Variants in TPRG1 observed in about 807,000 individuals in gnomAD.
The protein encoded by TPRG1 is tumor protein p63 regulated 1.
TPRG1 carries 29 observed loss-of-function variants against 29.3 expected under a neutral mutation model. The ratio of observed to expected loss-of-function variants is 0.99; its 90% CI spans 0.74 to 1.35. TPRG1 has a LOEUF of 1.35. Ranked by LOEUF, TPRG1 falls within the 40% of genes most tolerant of loss-of-function variation. TPRG1 has a pLI of 0.00. For missense variants in TPRG1, 327 were observed against 335.0 expected (o/e 0.98, Z 0.19); for synonymous variants, 130 against 116.8 (o/e 1.11, Z -0.73).
intron 4 of TPRG1, among the ~76,000 whole-genome samples, chr3:189,308,809 A>G (rs2109305186): frequency 6.6e-6 from 1 of 152,264 alleles, no homozygotes; most frequent in Non-Finnish European, 1.5e-5. Context: ...AAATAATTCC[A>G]TTGTGCAAGT....
chr3:189,191,477 A>G (rs1415702955), intron 1 of TPRG1, among the ~76,000 whole-genome samples: 1 of 152,042 alleles, frequency 6.6e-6, no homozygotes, highest in Non-Finnish European at 1.5e-5. Flanking sequence ...CTCTGGATCT[A>G]TTTAAATCTT....
At chr3:189,230,065 G>A (rs1400210119) in intron 3 of TPRG1, among the ~76,000 whole-genome samples, 1 of 152,208 alleles carries the variant, frequency 6.6e-6, no homozygotes, top group Admixed American at 6.5e-5. Context: ...ATTCAGAGGA[G>A]GAGAAAGTCG....
At chr3:189,046,060 G>A (rs1393051850) in intron 4 of TPRG1, among the ~76,000 whole-genome samples, 3 of 152,170 alleles carry the variant, frequency 2.0e-5, no homozygotes, top group Non-Finnish European at 2.9e-5. Flanking sequence ...TGTTGCTCCT[G>A]GAAATGAGTC....
intron 1 of TPRG1, chr3:189,121,813 A>C (rs1036916225): frequency 2.6e-5 from 4 of 152,100 alleles, no homozygotes; most frequent in Non-Finnish European, 5.9e-5. Flanking sequence ...ATTGAGATAA[A>C]ATTTTTCAAA....
At chr3:189,253,649 A>T (rs1742624032) in intron 4 of TPRG1, among the ~76,000 whole-genome samples, 1 of 152,120 alleles carries the variant, frequency 6.6e-6, no homozygotes, top group Non-Finnish European at 1.5e-5. Context: ...TGCTATTTCT[A>T]GTTCTAGATC....
At chr3:189,095,475 C>A (rs971436266), upstream of TPRG1, among the ~76,000 whole-genome samples, 1 of 152,142 alleles carries the variant, frequency 6.6e-6, no homozygotes, top group Non-Finnish European at 1.5e-5. Flanking sequence ...AAGACAGAGT[C>A]CCTGCCCTTC....
At chr3:189,309,022 ACTCTGTCTTTTTTTTCCT>A (rs1722043672) in intron 4 of TPRG1, among the ~76,000 whole-genome samples, 1 of 29,448 alleles carries the variant, frequency 3.4e-5, no homozygotes, top group Non-Finnish European at 7.3e-5. Flanking sequence ...ATTTTTCTTT[ACTCTGTCTTTTTTTTCCT>A]AACTCTGTCT....
chr3:189,201,769 C>T (rs1177029577), intron 1 of TPRG1, among the ~76,000 whole-genome samples: 1 of 152,088 alleles, frequency 6.6e-6, no homozygotes, highest in African/African-American at 2.4e-5. Context: ...CCTGCCTCTG[C>T]CTCCCAAGTA....
chr3:189,106,401 G>A (rs1055683018), intron 1 of TPRG1, among the ~76,000 whole-genome samples: 33 of 151,854 alleles, frequency 2.2e-4, no homozygotes, highest in Non-Finnish European at 1.8e-4. Flanking sequence ...TGTTGCCCCC[G>A]ACCCCAGTCC....
intron 3 of TPRG1, among the ~76,000 whole-genome samples, chr3:189,021,285 T>TC (rs1560398799): frequency 6.6e-6 from 1 of 151,558 alleles, no homozygotes; most frequent in Non-Finnish European, 1.5e-5. Flanking sequence ...TGATGTTAGC[T>TC]GGTTATTTTG....
intron 1 of TPRG1, among the ~76,000 whole-genome samples, chr3:189,104,648 C>T (rs1218975958): frequency 1.3e-5 from 2 of 151,510 alleles, no homozygotes; most frequent in Non-Finnish European, 2.9e-5. Context: ...GATTAAGAAC[C>T]CTCGGTCTAC....
chr3:189,251,129 CT>C (rs1298704433), intron 4 of TPRG1, among the ~76,000 whole-genome samples: 1 of 150,458 alleles, frequency 6.6e-6, no homozygotes, highest in Non-Finnish European at 1.5e-5. Flanking sequence ...TTTTTTTGTC[CT>C]TTCTCTTCTT....
Position 189,312,103 on chromosome 3 carries a change from T to TCTC in TPRG1, c.633+1564_633+1565insCTC, listed in dbSNP as rs1560688768. On this transcript the variant is annotated intron_variant, in intron 5 of 5. Transcript: ENST00000345063. The stretch of plus-strand genomic sequence containing the variant: ...TATGTTTCTTTCTTTCTTTGTTTCT[T>TCTC]TGTTTCTTTCTTTGTTTCTTTCTTT... Among the ~76,000 whole-genome samples the TCTC allele has an allele frequency of 2.3e-3, 158 of 69,452 alleles. 19 individuals are homozygous for TCTC. The highest frequency in any genetic ancestry group is 8.1e-3 in the Middle Eastern group (1 of 124). The allele number at this position is 69,452 out of a possible 152,430, so 45.6% of individuals were successfully genotyped here.
chr3:189,168,365 T>C (rs1212778085), upstream of TPRG1, among the ~76,000 whole-genome samples: 1 of 152,198 alleles, frequency 6.6e-6, no homozygotes, highest in African/African-American at 2.4e-5. Context: ...CAGAAGGGGC[T>C]TTTTGTTTCT....
intron 3 of TPRG1, among the ~76,000 whole-genome samples, chr3:189,144,570 C>T (rs1251151172): frequency 6.6e-6 from 1 of 152,138 alleles, no homozygotes; most frequent in Admixed American, 6.5e-5. Context: ...ACAGGATTTT[C>T]TCTTTTAATA....
At chr3:189,078,759 C>G (rs1023815846) in intron 4 of TPRG1, among the ~76,000 whole-genome samples, 1 of 152,240 alleles carries the variant, frequency 6.6e-6, no homozygotes, top group Admixed American at 6.5e-5. Context: ...CCACCACACA[C>G]TAGCTGTGCT....
At chr3:189,036,810 G>T (rs1196853468) in intron 4 of TPRG1, among the ~76,000 whole-genome samples, 5 of 151,686 alleles carry the variant, frequency 3.3e-5, no homozygotes, top group Non-Finnish European at 7.4e-5. Flanking sequence ...ATGTAATGAA[G>T]ATTATAAAGA....
chr3:189,146,822 C>T (rs1337028984), intron 3 of TPRG1, among the ~76,000 whole-genome samples: 1 of 152,176 alleles, frequency 6.6e-6, no homozygotes, highest in Non-Finnish European at 1.5e-5. Flanking sequence ...GTGTTTGGTT[C>T]TTAGAGGTTT....
At position 189,199,837 on chromosome 3, in the gene TPRG1, G is replaced by A. The variant is rs146659073; in HGVS notation, c.-9-7539G>A. On this transcript the variant is annotated intron_variant, in intron 1 of 5. Coordinates refer to ENST00000345063, the MANE Select transcript of TPRG1 (RefSeq NM_198485.4). ...AGAGGTTGCAGTGAGCTGAGATCAC[G>A]CCACTGCACTGCAGCCGGGGCAACA... Among the ~76,000 whole-genome samples the A allele has an allele frequency of 6.2e-3, 946 of 152,146 alleles. 13 individuals are homozygous for A. The highest frequency in any genetic ancestry group is 0.022 in the African/African-American group (911 of 41,512).
Sources: gnomAD v4.1 joint callset for allele counts (sites outside exome capture counted in the v4.1 genomes callset) on GRCh38, gnomAD v4.1.1 for gene constraint, MANE v1.5 for transcripts, NCBI Gene and HGNC (gene_info 2026-07-23, HGNC 2026-07-21) for gene names.